The following CARMIL1 variants were observed in gnomAD, a reference collection of about 807,000 sequenced individuals.
The protein encoded by CARMIL1 is F-actin-uncapping protein LRRC16A.
In CARMIL1, 90 loss-of-function variants were observed where a neutral mutation model predicts 177.1. The ratio of observed to expected loss-of-function variants is 0.51; its 90% CI spans 0.43 to 0.61. The LOEUF (loss-of-function observed/expected upper bound fraction) is 0.61, where lower values mean the gene tolerates loss of function less well. CARMIL1 is among the 20% of genes least tolerant of loss of function. CARMIL1 has a pLI of 0.00. For synonymous variants in CARMIL1, 577 were observed against 606.2 expected (o/e 0.95, Z 0.71); for missense variants, 1,380 against 1,667.0 (o/e 0.83, Z 3.00).
At chr6:25,415,392 A>G (rs1236812640) in intron 2 of CARMIL1, among the ~76,000 whole-genome samples, 1 of 151,854 alleles carries the variant, frequency 6.6e-6, no homozygotes, top group African/African-American at 2.4e-5. Flanking sequence ...GAAACTTCCT[A>G]TGGTGACTGT....
chr6:25,459,266 C>CTTTTCT (rs1554200886), intron 8 of CARMIL1, among the ~76,000 whole-genome samples: 1 of 73,754 alleles, frequency 1.4e-5, no homozygotes, highest in Non-Finnish European at 2.9e-5. Flanking sequence ...TTCTTTCTTT[C>CTTTTCT]TTTTTTTTTT....
intron 2 of CARMIL1, among the ~76,000 whole-genome samples, chr6:25,301,075 A>G (rs1411844613): frequency 6.6e-6 from 1 of 152,152 alleles, no homozygotes; most frequent in Admixed American, 6.6e-5. Context: ...GGTGCATGCA[A>G]CTTCACAGTT....
chr6:25,602,533 A>T (rs557333593), intron 33 of CARMIL1, among the ~76,000 whole-genome samples: 1 of 152,320 alleles, frequency 6.6e-6, no homozygotes, highest in Admixed American at 6.5e-5. Context: ...ATGGTTTTAT[A>T]TTTGTTTAGG....
At chr6:25,466,600 TTA>T (rs1328015657) in intron 9 of CARMIL1, among the ~76,000 whole-genome samples, 3 of 152,138 alleles carry the variant, frequency 2.0e-5, no homozygotes, top group Non-Finnish European at 2.9e-5. Context: ...AAGAAAGAAT[TTA>T]TATGTTTTCC....
At chr6:25,371,395 T>G (rs927630099) in intron 2 of CARMIL1, among the ~76,000 whole-genome samples, 1 of 152,198 alleles carries the variant, frequency 6.6e-6, no homozygotes, top group Non-Finnish European at 1.5e-5. Flanking sequence ...AAGTGTTCTC[T>G]TTTTACCACA....
intron 2 of CARMIL1, among the ~76,000 whole-genome samples, chr6:25,321,475 T>C (rs1413612836): frequency 2.0e-5 from 3 of 152,174 alleles, no homozygotes; most frequent in Non-Finnish European, 4.4e-5. Context: ...CATACTGTTA[T>C]TATAAAGCTC....
chr6:25,592,252 A>G (rs932252639), intron 31 of CARMIL1, among the ~76,000 whole-genome samples: 1 of 152,182 alleles, frequency 6.6e-6, no homozygotes, highest in Non-Finnish European at 1.5e-5. Context: ...TTCAGTTTAA[A>G]GGGTAGACAT....
rs1327589932 is a variant in CARMIL1, at chr6:25,558,020, C to T, written c.2742+1170C>T. ...ATATAAACCTGCACATATATTTAAT[C>T]TGGGTGGAGGAAATTGTCAAGTTTT... On this transcript the variant is annotated intron_variant, in intron 29 of 36. Coordinates refer to ENST00000329474, the MANE Select transcript of CARMIL1 (RefSeq NM_017640.6). The surrounding 1 kb of genome is among the most constrained non-coding windows in gnomAD (Gnocchi z 4.1). 1.3e-5 allele frequency among the ~76,000 whole-genome samples: 2 copies of T among 152,146 alleles called. No individual in the cohort carries two copies. Among genetic ancestry groups the T allele is most frequent in the Admixed American group, 6.5e-5 (1 of 15,280 alleles).
chr6:25,545,772 CAT>C (rs1457715088), intron 26 of CARMIL1, among the ~76,000 whole-genome samples: 9 of 152,080 alleles, frequency 5.9e-5, no homozygotes, highest in Non-Finnish European at 1.2e-4. Context: ...AAAGAGCCCA[CAT>C]GTTTATAAAT....
intron 2 of CARMIL1, among the ~76,000 whole-genome samples, chr6:25,334,278 A>G (rs1785990816): frequency 6.6e-6 from 1 of 152,186 alleles, no homozygotes; most frequent in African/African-American, 2.4e-5. Flanking sequence ...TCCCCACCCT[A>G]CCTTAAAAAT....
At chr6:25,394,932 A>G (rs1421101016) in intron 2 of CARMIL1, among the ~76,000 whole-genome samples, 3 of 152,214 alleles carry the variant, frequency 2.0e-5, no homozygotes, top group African/African-American at 7.2e-5. Flanking sequence ...AAATACACCC[A>G]GGAAACCTTA....
At chr6:25,549,360 C>A (rs1420468897) in intron 26 of CARMIL1, among the ~76,000 whole-genome samples, 1 of 152,158 alleles carries the variant, frequency 6.6e-6, no homozygotes, top group African/African-American at 2.4e-5. Context: ...TTGTTTGTAT[C>A]AGGAGTGCCG....
intron 8 of CARMIL1, chr6:25,452,553 A>G: frequency 5.0e-6 from 1 of 199,912 alleles, no homozygotes; most frequent in Non-Finnish European, 1.0e-5. Flanking sequence ...TGAAATATTT[A>G]TTAATTAAAA....
intron 9 of CARMIL1, among the ~76,000 whole-genome samples, chr6:25,470,817 A>T (rs1406081895): frequency 6.6e-6 from 1 of 152,182 alleles, no homozygotes; most frequent in African/African-American, 2.4e-5. Flanking sequence ...CCCCACCATC[A>T]TGACCTAGTC....
In CARMIL1 at chr6:25,279,467, A is replaced by C. The variant is rs913000873; in HGVS notation, c.-329A>C. 7 of 432,474 alleles carry C rather than the reference A, an allele frequency of 1.6e-5. No homozygotes were observed. Among genetic ancestry groups the C allele is most frequent in the African/African-American group, 1.4e-4 (7 of 48,316 alleles). The allele number at this position is 432,474 out of a possible 1,614,324, so 26.8% of individuals were successfully genotyped here. On this transcript the variant is annotated 5_prime_UTR_variant, in exon 1 of 37. Coordinates refer to ENST00000329474, the MANE Select transcript of CARMIL1 (RefSeq NM_017640.6). Reference sequence around the variant, plus strand: ...GCCGGCCCAAGCCCCGCCGGGGACCAGCGAGCCGGGAGGAGGAGCAGGCGC... The same window carrying C: ...GCCGGCCCAAGCCCCGCCGGGGACCCGCGAGCCGGGAGGAGGAGCAGGCGC...
chr6:25,313,114 G>A (rs561298371), intron 2 of CARMIL1, among the ~76,000 whole-genome samples: 2 of 152,126 alleles, frequency 1.3e-5, no homozygotes, highest in Non-Finnish European at 2.9e-5. Flanking sequence ...CTGTGGATGA[G>A]CTGAGCTTAC....
At chr6:25,375,710 G>A (rs980025414) in intron 2 of CARMIL1, among the ~76,000 whole-genome samples, 61 of 151,934 alleles carry the variant, frequency 4.0e-4, no homozygotes, top group African/African-American at 1.4e-3. Context: ...TTTTGTCTGG[G>A]TTAATTTGAA....
At chr6:25,377,736 C>A (rs1791131270) in intron 2 of CARMIL1, among the ~76,000 whole-genome samples, 1 of 152,122 alleles carries the variant, frequency 6.6e-6, no homozygotes, top group Non-Finnish European at 1.5e-5. Context: ...GTGTTGCAGG[C>A]AATAGTGATT....
At position 25,600,473 on chromosome 6, in the gene CARMIL1, C is replaced by T. The variant is rs370390562; in HGVS notation, c.3279C>T (p.Ser1093=). The T allele has an allele frequency of 1.1e-4, 182 of 1,614,030 alleles. 2 individuals carry two copies. The highest frequency in any genetic ancestry group is 1.2e-4 in the South Asian group (11 of 91,082). The stretch of plus-strand genomic sequence containing the variant: ...CGATCTTGATGACAGAAGAACCCTC[C>T]TCACCAAAAGGGGCAGTCAGAAGTC... ...PPTILMTEEP[S]SPKGAVRSPP... The change falls in exon 33 of 37, where the codon TCC becomes TCT. Residue 1093 remains serine, a synonymous_variant. Transcript: ENST00000329474.
Sources: gnomAD v4.1 joint callset for allele counts (sites outside exome capture counted in the v4.1 genomes callset) on GRCh38, gnomAD v4.1.1 for gene constraint, Gnocchi (gnomAD v3.1) non-coding constraint, MANE v1.5 for transcripts, NCBI Gene and HGNC (gene_info 2026-07-23, HGNC 2026-07-21) for gene names.